The following AHI1 variants were observed in gnomAD, a reference collection of about 807,000 sequenced individuals.
AHI1 encodes Abelson helper integration site 1, also known as jouberin.
A neutral mutation model predicts 149.3 loss-of-function variants in AHI1; 123 were observed. The ratio of observed to expected loss-of-function variants is 0.82; its 90% CI spans 0.71 to 0.96. The LOEUF is 0.96. AHI1 is among the 40% of genes least tolerant of loss of function. The pLI, the probability that AHI1 is intolerant of heterozygous loss-of-function variation, is 0.00. For synonymous variants in AHI1, 475 were observed against 459.8 expected, an observed-to-expected ratio of 1.03 and a Z score of -0.42; for missense variants, 1,439 against 1,422.7, an observed-to-expected ratio of 1.01 and a Z score of -0.18.
intron 5 of AHI1, among the ~76,000 whole-genome samples, chr6:135,486,977 G>A (rs553827990): frequency 6.6e-6 from 1 of 151,994 alleles, no homozygotes; most frequent in Non-Finnish European, 1.5e-5. Flanking sequence ...TGTTGCCCAG[G>A]CTAGTCTTGA....
intron 22 of AHI1, among the ~76,000 whole-genome samples, chr6:135,400,251 T>A (rs1477506705): frequency 6.6e-6 from 1 of 152,206 alleles, no homozygotes; most frequent in Admixed American, 6.5e-5. Context: ...ATATACGTTT[T>A]AAACAGAAAA....
chr6:135,308,411 C>T (rs138349691), intron 26 of AHI1, among the ~76,000 whole-genome samples: 52 of 152,102 alleles, frequency 3.4e-4, no homozygotes, highest in East Asian at 3.1e-3. Flanking sequence ...AATTTTTGTA[C>T]GTTTTATAGA....
intron 26 of AHI1, among the ~76,000 whole-genome samples, chr6:135,309,094 T>A (rs531276623): frequency 9.2e-5 from 14 of 152,332 alleles, no homozygotes; most frequent in African/African-American, 2.9e-4. Flanking sequence ...TCAAACAAGT[T>A]GCCAGACCTT....
At chr6:135,452,716 C>A (rs1429601117) in intron 11 of AHI1, among the ~76,000 whole-genome samples, 2 of 152,070 alleles carry the variant, frequency 1.3e-5, no homozygotes, top group African/African-American at 2.4e-5. Flanking sequence ...ATGCACCATT[C>A]TTCTCCCCTT....
chr6:135,345,791 G>A (rs1308557154), intron 24 of AHI1, among the ~76,000 whole-genome samples: 8 of 151,972 alleles, frequency 5.3e-5, no homozygotes, highest in Admixed American at 3.3e-4. Flanking sequence ...ACTTTAAAAG[G>A]GTGCATTTTA....
At chr6:135,391,925 C>G (rs1335582137) in intron 23 of AHI1, among the ~76,000 whole-genome samples, 1 of 152,020 alleles carries the variant, frequency 6.6e-6, no homozygotes, top group Non-Finnish European at 1.5e-5. Flanking sequence ...TATCTCTAAA[C>G]AACTGGGTGA....
At chr6:135,286,801 TC>T (rs562077252) in intron 28 of AHI1, among the ~76,000 whole-genome samples, 63 of 152,134 alleles carry the variant, frequency 4.1e-4, no homozygotes, top group Non-Finnish European at 8.4e-4. Flanking sequence ...AAAAATACGT[TC>T]TAGTGAAGCT....
chr6:135,420,928 T>C (rs935037299), intron 20 of AHI1, among the ~76,000 whole-genome samples: 10 of 152,140 alleles, frequency 6.6e-5, no homozygotes, highest in African/African-American at 2.4e-4. Context: ...CACTTCTACC[T>C]TTTTATTTAT....
intron 26 of AHI1, among the ~76,000 whole-genome samples, chr6:135,313,475 T>G (rs1434469525): frequency 6.6e-6 from 1 of 152,130 alleles, no homozygotes; most frequent in Non-Finnish European, 1.5e-5. Flanking sequence ...TTAAATCTAT[T>G]AGAATTAAGG....
At chr6:135,343,946 G>A (rs1250247397) in intron 24 of AHI1, among the ~76,000 whole-genome samples, 1 of 151,942 alleles carries the variant, frequency 6.6e-6, no homozygotes, top group Non-Finnish European at 1.5e-5. Flanking sequence ...GATCAAGAAA[G>A]AGAAAAGACA....
intron 6 of AHI1, 143 bp from the exon 7 acceptor site, chr6:135,466,516 A>G: frequency 1.4e-6 from 1 of 707,330 alleles, no homozygotes; most frequent in South Asian, 2.0e-5. Context: ...ACACTATTTT[A>G]GAGCATATGA....
chr6:135,308,076 C>T lies in AHI1; in HGVS notation c.3427-7518G>A, dbSNP rs1022608281. Among the ~76,000 whole-genome samples the T allele has an allele frequency of 3.3e-5, 5 of 152,122 alleles. No individual in the cohort carries two copies. The East Asian group carries it at 5.8e-4, about 18-fold the overall frequency. ...TCCAAAAAAAGGTCATGCTGCTTGT[C>T]GAGTCAGAAGACACAACGACTGATA... is the stretch of plus-strand genomic sequence containing the variant. On this transcript the variant is annotated intron_variant, in intron 26 of 28. Transcript: ENST00000265602.
chr6:135,381,430 A>T (rs573955337), intron 23 of AHI1, among the ~76,000 whole-genome samples: 2 of 152,330 alleles, frequency 1.3e-5, no homozygotes, highest in East Asian at 3.9e-4. Context: ...ATATGAAATA[A>T]ACTGGAGTCC....
At chr6:135,396,049 A>G (rs1421942370) in intron 22 of AHI1, among the ~76,000 whole-genome samples, 1 of 151,756 alleles carries the variant, frequency 6.6e-6, no homozygotes, top group African/African-American at 2.4e-5. Flanking sequence ...TAAACAGTAT[A>G]TCTTAGTTTA....
At chr6:135,408,990 G>A (rs1184641886) in intron 21 of AHI1, among the ~76,000 whole-genome samples, 1 of 152,032 alleles carries the variant, frequency 6.6e-6, no homozygotes, top group Non-Finnish European at 1.5e-5. Context: ...AATTTTATGG[G>A]AAATACCTGG....
At chr6:135,356,874 A>T (rs1044327319) in intron 24 of AHI1, among the ~76,000 whole-genome samples, 1 of 152,208 alleles carries the variant, frequency 6.6e-6, no homozygotes, top group African/African-American at 2.4e-5. Context: ...ACAAATAAAA[A>T]ATAGAGTCAA....
At chr6:135,330,675 T>G (rs1028554992) in intron 24 of AHI1, among the ~76,000 whole-genome samples, 1 of 152,244 alleles carries the variant, frequency 6.6e-6, no homozygotes, top group Non-Finnish European at 1.5e-5. Flanking sequence ...TGGTTTCACA[T>G]GCTACCATCT....
intron 20 of AHI1, among the ~76,000 whole-genome samples, chr6:135,424,195 A>T (rs1408386120): frequency 6.6e-6 from 1 of 152,106 alleles, no homozygotes; most frequent in Non-Finnish European, 1.5e-5. Context: ...GGACTCCAGG[A>T]GCAAACTGCA....
In AHI1 at chr6:135,418,534, T is replaced by C. The variant is rs189140003; in HGVS notation, c.2765-6990A>G. On this transcript the variant is annotated intron_variant, in intron 20 of 28. Transcript: ENST00000265602. ...TAATGTGGTTTTCTCAAGAGATTTT[T>C]ATCTTTACAGGAGGAAGGACGGAGG... 4.6e-5 allele frequency among the ~76,000 whole-genome samples: 7 copies of C among 152,280 alleles called. No individual in the cohort carries two copies. The East Asian group carries it at 1.3e-3, about 29-fold the overall frequency.
Sources: gnomAD v4.1 joint callset for allele counts (sites outside exome capture counted in the v4.1 genomes callset) on GRCh38, gnomAD v4.1.1 for gene constraint, MANE v1.5 for transcripts, NCBI Gene and HGNC (gene_info 2026-07-23, HGNC 2026-07-21) for gene names.